PCDHGB2: variants seen among roughly 807,000 people sequenced by gnomAD.
PCDHGB2 encodes the protein protocadherin gamma subfamily B, 2.
In PCDHGB2, 55 loss-of-function variants were observed where a neutral mutation model predicts 59.3. That is an observed-to-expected ratio of 0.93 (90% CI 0.75 to 1.16). The LOEUF (loss-of-function observed/expected upper bound fraction) is 1.16, where lower values mean the gene tolerates loss of function less well. Among genes scored for constraint, PCDHGB2 ranks in the 50% most tolerant of loss-of-function variants. The probability of loss-of-function intolerance (pLI) is 0.00; values close to 1 mark genes in which losing one functional copy is unlikely to be tolerated. For missense variants in PCDHGB2, 1,228 were observed against 1,198.5 expected (o/e 1.02, Z -0.36); for synonymous variants, 516 against 512.0 (o/e 1.01, Z -0.11).
chr5:141,362,274 GC>G lies in PCDHGB2; in HGVS notation c.2140del (p.Arg714AlafsTer55). The G allele has an allele frequency of 6.2e-7, 1 of 1,614,018 alleles. No homozygotes were observed. ...FLAVILAISL[R>X]LRLSSRSDAW... is the part of the protein sequence containing the mutation. ...TCGCGGTGATTCTGGCAATCTCCCT[GC>G]GCCTGCGACTCTCTTCCAGGTCAGA... On this transcript the variant is annotated frameshift_variant, in exon 1 of 4. Coordinates refer to ENST00000522605, the MANE Select transcript of PCDHGB2 (RefSeq NM_018923.3). LOFTEE classifies it high-confidence loss of function.
At chr5:141,448,786 A>G (rs1354591718) in intron 1 of PCDHGB2, among the ~76,000 whole-genome samples, 1 of 148,848 alleles carries the variant, frequency 6.7e-6, no homozygotes, top group African/African-American at 2.5e-5. Context: ...TAAAAATACA[A>G]AAAAAAAAAT....
chr5:141,415,161 C>T (rs1391561235), intron 1 of PCDHGB2: 1 of 1,613,864 alleles, frequency 6.2e-7, no homozygotes, highest in Admixed American at 1.7e-5. Context: ...CCGCCACTGT[C>T]ACGCTCACCG....
chr5:141,384,493 G>A lies in PCDHGB2; in HGVS notation c.2421+21937G>A, dbSNP rs370485526. The A allele has an allele frequency of 6.2e-7, 1 of 1,614,056 alleles. No individual in the cohort carries two copies. The highest frequency in any genetic ancestry group is 1.3e-5 in the African/African-American group (1 of 74,948). ...GCAGTTGAGAGAACTACAACTAAGA[G>A]TGACTGCACATGACAGCGGGGACCC... On this transcript the variant is annotated intron_variant, in intron 1 of 3. Coordinates refer to ENST00000522605, the MANE Select transcript of PCDHGB2 (RefSeq NM_018923.3).
chr5:141,486,399 C>G lies in PCDHGB2; in HGVS notation c.2422-8408C>G. On this transcript the variant is annotated intron_variant, in intron 1 of 3. Transcript: ENST00000522605. The surrounding 1 kb of genome is among the most constrained non-coding windows in gnomAD (Gnocchi z 5.0). ...TTCAGGAACCAGTTCTCCCTGGTGA[C>G]TGCTGGACCCTTGGATCGAGAGGCC... The G allele has an allele frequency of 6.2e-7, 1 of 1,614,188 alleles. No individual in the cohort carries two copies. The highest frequency in any genetic ancestry group is 1.1e-5 in the South Asian group (1 of 91,090).
chr5:141,368,108 T>C (rs1244869694), intron 1 of PCDHGB2, among the ~76,000 whole-genome samples: 1 of 152,216 alleles, frequency 6.6e-6, no homozygotes, highest in African/African-American at 2.4e-5. Context: ...TTCAGATGTT[T>C]CTTATTAAAA....
intron 1 of PCDHGB2, among the ~76,000 whole-genome samples, chr5:141,382,339 C>A (rs1018758986): frequency 2.6e-5 from 4 of 152,082 alleles, no homozygotes; most frequent in African/African-American, 9.7e-5. Context: ...TAAGTAAAAT[C>A]TTTCATATGT....
At chr5:141,449,948 C>T (rs1294423807) in intron 1 of PCDHGB2, among the ~76,000 whole-genome samples, 1 of 151,034 alleles carries the variant, frequency 6.6e-6, no homozygotes, top group Non-Finnish European at 1.5e-5. Context: ...TTTTACTATA[C>T]CTCATAGTAA....
At position 141,432,325 on chromosome 5, in the gene PCDHGB2, C is replaced by A; in HGVS notation, c.2422-62482C>A. 6.2e-7 allele frequency: 1 copy of A among 1,614,260 alleles called. No individual in the cohort carries two copies. The highest frequency in any genetic ancestry group is 1.1e-5 in the South Asian group (1 of 91,092). On this transcript the variant is annotated intron_variant, in intron 1 of 3. Transcript: ENST00000522605. The surrounding 1 kb of genome is among the most constrained non-coding windows in gnomAD (Gnocchi z 6.0). The stretch of plus-strand genomic sequence containing the variant: ...TGTATGCGCTGAGCTCCTTCGACTA[C>A]GAGCAGTTCCGAGACTTGCAAGTGA...
Position 141,487,691 on chromosome 5 carries a change from A to T in PCDHGB2, c.2422-7116A>T. On this transcript the variant is annotated intron_variant, in intron 1 of 3. Transcript: ENST00000522605. The surrounding 1 kb of genome is among the most constrained non-coding windows in gnomAD (Gnocchi z 5.0). ...CATATGGCTAGGCCATGTCCTAGAG[A>T]GTACTGGCCTCTCAGTAAGTGCCCA... 6.2e-7 allele frequency: 1 copy of T among 1,604,122 alleles called. No individual in the cohort carries two copies. The highest frequency in any genetic ancestry group is 8.5e-7 in the Non-Finnish European group (1 of 1,174,384).
At position 141,511,648 on chromosome 5, in the gene PCDHGB2, G is replaced by T. The variant is rs553080689; in HGVS notation, c.*475G>T. The T allele has an allele frequency of 1.4e-5, 3 of 214,700 alleles. No homozygotes were observed. Among genetic ancestry groups the T allele is most frequent in the East Asian group, 2.1e-4 (2 of 9,414 alleles). The allele number at this position is 214,700 out of a possible 1,614,324, so 13.3% of individuals were successfully genotyped here. A position where few individuals can be genotyped will look rare whatever the true frequency, so the allele number is the denominator to read the frequency against. On this transcript the variant is annotated 3_prime_UTR_variant, in exon 4 of 4. Coordinates refer to ENST00000522605, the MANE Select transcript of PCDHGB2 (RefSeq NM_018923.3). ...AGTTGGAAGGGCATCATGACCTCTTGGCCTCTCCTTTGATTCTCAATCTTC... is the reference window on the plus strand; with the variant it reads ...AGTTGGAAGGGCATCATGACCTCTTTGCCTCTCCTTTGATTCTCAATCTTC...
intron 1 of PCDHGB2, chr5:141,403,657 A>G (rs753978186): frequency 2.5e-6 from 4 of 1,613,924 alleles, no homozygotes; most frequent in East Asian, 2.2e-5. Context: ...TGTTGGATAC[A>G]AATGATAATG....
At chr5:141,405,567 G>A in intron 1 of PCDHGB2, 2 of 608,222 alleles carry the variant, frequency 3.3e-6, no homozygotes, top group Non-Finnish European at 5.8e-6. Context: ...TGGGACTAGA[G>A]TAGAGTAGCT....
Position 141,477,209 on chromosome 5 carries a change from GC to G in PCDHGB2, c.2422-17594del. On this transcript the variant is annotated intron_variant, in intron 1 of 3. Transcript: ENST00000522605. The surrounding 1 kb of genome is among the most constrained non-coding windows in gnomAD (Gnocchi z 4.9). Reference sequence around the variant, plus strand: ...CGTGTACAGCCCAGTACCCGAGGATGCCCCTCTGGGGACTGTCATCGCTTTG... The same window carrying G: ...CGTGTACAGCCCAGTACCCGAGGATGCCCTCTGGGGACTGTCATCGCTTTG... The G allele has an allele frequency of 6.2e-7, 1 of 1,614,194 alleles. No homozygotes were observed. Among genetic ancestry groups the G allele is most frequent in the Non-Finnish European group, 8.5e-7 (1 of 1,180,038 alleles).
At chr5:141,415,083 G>A (rs747351388) in intron 1 of PCDHGB2, 4 of 1,613,514 alleles carry the variant, frequency 2.5e-6, no homozygotes, top group Non-Finnish European at 3.4e-6. Context: ...CGCGAGCCCT[G>A]CTGGACAGAG....
intron 1 of PCDHGB2, among the ~76,000 whole-genome samples, chr5:141,449,680 T>C (rs2098651613): frequency 6.6e-6 from 1 of 151,546 alleles, no homozygotes; most frequent in Admixed American, 6.6e-5. Flanking sequence ...TATGTATATA[T>C]GTTTGTGTGT....
At position 141,432,459 on chromosome 5, in the gene PCDHGB2, T is replaced by A. The variant is rs1230209932; in HGVS notation, c.2422-62348T>A. The A allele has an allele frequency of 1.2e-6, 2 of 1,613,984 alleles. No homozygotes were observed. Among genetic ancestry groups the A allele is most frequent in the South Asian group, 1.1e-5 (1 of 91,082 alleles). ...GCGCCCGAGATCCTGTACCCCGCCCTCCCCACGGACGGTTCCACTGGCGTG... is the reference window on the plus strand; with the variant it reads ...GCGCCCGAGATCCTGTACCCCGCCCACCCCACGGACGGTTCCACTGGCGTG... On this transcript the variant is annotated intron_variant, in intron 1 of 3. Transcript: ENST00000522605. The surrounding 1 kb of genome is among the most constrained non-coding windows in gnomAD (Gnocchi z 6.0).
At chr5:141,389,982 C>T in intron 1 of PCDHGB2, 1 of 1,614,034 alleles carries the variant, frequency 6.2e-7, no homozygotes, top group Non-Finnish European at 8.5e-7. Context: ...GATCTCAGTG[C>T]TCTTCCTCGT....
intron 1 of PCDHGB2, among the ~76,000 whole-genome samples, chr5:141,474,136 G>A (rs1383142266): frequency 1.3e-5 from 2 of 152,056 alleles, no homozygotes; most frequent in East Asian, 3.8e-4. Context: ...AAAACTACAG[G>A]CCTTATTATC....
At chr5:141,410,029 G>T (rs2095350230) in intron 1 of PCDHGB2, 15 of 1,613,274 alleles carry the variant, frequency 9.3e-6, no homozygotes, top group Non-Finnish European at 1.3e-5. Context: ...ACCACGTGCT[G>T]CAGGCCAGTG....
Sources: gnomAD v4.1 joint callset for allele counts (sites outside exome capture counted in the v4.1 genomes callset) on GRCh38, gnomAD v4.1.1 for gene constraint, Gnocchi (gnomAD v3.1) non-coding constraint, MANE v1.5 for transcripts, NCBI Gene and HGNC (gene_info 2026-07-23, HGNC 2026-07-21) for gene names.